IQSEC3: variants seen among roughly 807,000 people sequenced by gnomAD.
IQSEC3 encodes the protein IQ motif and Sec7 domain ArfGEF 3, also known as IQ motif and SEC7 domain-containing protein 3.
Under a neutral mutation model 105.4 loss-of-function variants are expected in IQSEC3, and 50 were observed. The observed-to-expected ratio is 0.47, with a 90% CI of 0.38 to 0.60. The LOEUF (loss-of-function observed/expected upper bound fraction) is 0.60. IQSEC3 is among the 20% of genes least tolerant of loss of function. The pLI is 0.00. For synonymous variants in IQSEC3, 708 were observed against 746.0 expected, an observed-to-expected ratio of 0.95 and a Z score of 0.83; for missense variants, 1,415 against 1,630.0, an observed-to-expected ratio of 0.87 and a Z score of 2.27.
intron 5 of IQSEC3, among the ~76,000 whole-genome samples, chr12:146,276 G>T (rs1555091014): frequency 6.6e-6 from 1 of 152,186 alleles, no homozygotes; most frequent in Non-Finnish European, 1.5e-5. Flanking sequence ...TGAGGAAGGG[G>T]AGAGCAGGCT....
At chr12:139,627 A>G in intron 4 of IQSEC3, 1 of 387,654 alleles carries the variant, frequency 2.6e-6, no homozygotes, top group Non-Finnish European at 4.6e-6. Context: ...ACAGCTTAAG[A>G]TGAAGCTAGG....
At chr12:112,097 G>C (rs1332688926) in intron 2 of IQSEC3, among the ~76,000 whole-genome samples, 2 of 152,124 alleles carry the variant, frequency 1.3e-5, no homozygotes, top group South Asian at 4.1e-4. Flanking sequence ...TTTTAGGGTT[G>C]TTTTGCTCCA....
intron 5 of IQSEC3, among the ~76,000 whole-genome samples, chr12:153,374 C>T (rs1203385534): frequency 6.6e-6 from 1 of 152,122 alleles, no homozygotes; most frequent in Non-Finnish European, 1.5e-5. Context: ...GTCGTCTGCC[C>T]CCTGCCGTTG....
At chr12:99,446 G>A (rs138367423) in intron 2 of IQSEC3, among the ~76,000 whole-genome samples, 206 of 152,270 alleles carry the variant, frequency 1.4e-3, no homozygotes, top group African/African-American at 3.6e-3. Context: ...CACCCCACAC[G>A]TAGGCTCCTT....
intron 8 of IQSEC3, among the ~76,000 whole-genome samples, chr12:162,459 A>G (rs1454568137): frequency 1.4e-5 from 2 of 147,496 alleles, no homozygotes; most frequent in African/African-American, 4.9e-5. Context: ...TGGCATCACC[A>G]TAGATTTGTC....
intron 13 of IQSEC3, chr12:171,507 T>G (rs1433068635): frequency 1.6e-6 from 1 of 611,716 alleles, no homozygotes; most frequent in Non-Finnish European, 2.9e-6. Context: ...CACTGCTCAC[T>G]GCTCCCCCAG....
At chr12:168,817 T>G (rs1565451919) in intron 11 of IQSEC3, among the ~76,000 whole-genome samples, 196 bp from the exon 12 acceptor site, 1 of 152,092 alleles carries the variant, frequency 6.6e-6, no homozygotes, top group Non-Finnish European at 1.5e-5. Flanking sequence ...CATGTACAGA[T>G]GACGAAACTG....
At chr12:170,315 G>A (rs934663329) in intron 12 of IQSEC3, among the ~76,000 whole-genome samples, 1 of 152,132 alleles carries the variant, frequency 6.6e-6, no homozygotes, top group Non-Finnish European at 1.5e-5. Context: ...ATTCCTTCCT[G>A]CCTCTCTTTT....
chr12:125,645 C>T lies in IQSEC3; in HGVS notation c.636C>T (p.Cys212=). 2.0e-6 allele frequency: 3 copies of T among 1,519,160 alleles called. No homozygotes were observed. Among genetic ancestry groups the T allele is most frequent in the Non-Finnish European group, 2.6e-6 (3 of 1,145,706 alleles). The allele number at this position is 1,519,160 out of a possible 1,614,324, so 94.1% of individuals were successfully genotyped here. A position where few individuals can be genotyped will look rare whatever the true frequency, so the allele number is the denominator to read the frequency against. ...SDLASQSDGS[C]TQAGGGMEDS... Reference sequence around the variant, plus strand: ...CTTCTGTTCACAGTGATGGCTCCTGCACCCAGGCCGGTGGGGGCATGGAGG... The same window carrying T: ...CTTCTGTTCACAGTGATGGCTCCTGTACCCAGGCCGGTGGGGGCATGGAGG... Residue 212 remains cysteine, a synonymous_variant, in exon 3 of 14, where the codon TGC becomes TGT. Coordinates refer to ENST00000538872, the MANE Select transcript of IQSEC3 (RefSeq NM_001170738.2).
At chr12:159,117 G>A (rs2137043766) in intron 7 of IQSEC3, among the ~76,000 whole-genome samples, 1 of 152,370 alleles carries the variant, frequency 6.6e-6, no homozygotes, top group East Asian at 1.9e-4. Context: ...GAGTCTGCAA[G>A]TGCAGAATGA....
In IQSEC3 at chr12:175,110, A is replaced by C; in HGVS notation, c.*77A>C. ...GGGCTGCCCCTCCACTGCTCCCCAT[A>C]CCCTGGCACGATGCGTTCCTGGTCA... On this transcript the variant is annotated 3_prime_UTR_variant, in exon 14 of 14. Coordinates refer to ENST00000538872, the MANE Select transcript of IQSEC3 (RefSeq NM_001170738.2). 9.0e-7 allele frequency: 1 copy of C among 1,115,702 alleles called. No homozygotes were observed. The highest frequency in any genetic ancestry group is 1.2e-6 in the Non-Finnish European group (1 of 809,246). The allele number at this position is 1,115,702 out of a possible 1,614,324, so 69.1% of individuals were successfully genotyped here.
At chr12:125,566 A>G in intron 2 of IQSEC3, 67 bp from the exon 3 acceptor site, 1 of 1,403,828 alleles carries the variant, frequency 7.1e-7, no homozygotes. Flanking sequence ...TCTCTCCCCG[A>G]CCCCCACATC....
Position 138,588 on chromosome 12 carries a change from C to T in IQSEC3, c.1225C>T (p.Leu409=), listed in dbSNP as rs782519506. 1.9e-6 allele frequency: 3 copies of T among 1,589,680 alleles called. No individual in the cohort carries two copies. Among genetic ancestry groups the T allele is most frequent in the East Asian group, 2.3e-5 (1 of 43,950 alleles). Residue 409 remains leucine (L), a synonymous_variant, in exon 4 of 14, where the codon CTG becomes TTG. Coordinates refer to ENST00000538872, the MANE Select transcript of IQSEC3 (RefSeq NM_001170738.2). The surrounding 1 kb of genome is among the most constrained non-coding windows in gnomAD (Gnocchi z 7.1). ...CTCCTTCACCGAGCAGGTGCAATCCCTGGCCAAGTCCATCGACGACGCGCT... is the reference window on the plus strand; with the variant it reads ...CTCCTTCACCGAGCAGGTGCAATCCTTGGCCAAGTCCATCGACGACGCGCT... ...EDSFTEQVQS[L]AKSIDDALST...
At chr12:170,164 T>C (rs1591758724) in intron 12 of IQSEC3, among the ~76,000 whole-genome samples, 4 of 152,334 alleles carry the variant, frequency 2.6e-5, no homozygotes, top group South Asian at 2.1e-4. Context: ...TGACCTGCCA[T>C]CGTGCGTCCG....
Position 114,309 on chromosome 12 carries a change from T to C in IQSEC3, c.624-11324T>C, listed in dbSNP as rs572765076. Among the ~76,000 whole-genome samples, 201 of 152,224 alleles carry C rather than the reference T, an allele frequency of 1.3e-3. 1 individual carries two copies. The highest frequency in any genetic ancestry group is 2.6e-3 in the Non-Finnish European group (177 of 68,040). On this transcript the variant is annotated intron_variant, in intron 2 of 13. Coordinates refer to ENST00000538872, the MANE Select transcript of IQSEC3 (RefSeq NM_001170738.2). ...GCTATGGCAAGCATGTTCTTCAGGT[T>C]CCAAGCATGTTGTTCAGACACACCT...
Position 138,249 on chromosome 12 carries a change from C to A in IQSEC3, c.904-18C>A. 1 of 1,593,802 alleles carries A rather than the reference C, an allele frequency of 6.3e-7. No individual in the cohort carries two copies. The highest frequency in any genetic ancestry group is 1.1e-5 in the South Asian group (1 of 88,496). ...TTCCCCTCTGAGCCCTTCCTCCTCT[C>A]TGTCCTCGTCCTTGCAGATTGAAAT... On this transcript the variant is annotated intron_variant, in intron 3 of 13. Coordinates refer to ENST00000538872, the MANE Select transcript of IQSEC3 (RefSeq NM_001170738.2). The surrounding 1 kb of genome is among the most constrained non-coding windows in gnomAD (Gnocchi z 7.1).
intron 13 of IQSEC3, among the ~76,000 whole-genome samples, chr12:172,013 C>T (rs1383148240): frequency 6.6e-6 from 1 of 152,126 alleles, no homozygotes; most frequent in African/African-American, 2.4e-5. Context: ...GGTCCTCTTG[C>T]ACCCCAGTGA....
intron 1 of IQSEC3, among the ~76,000 whole-genome samples, chr12:74,681 C>A (rs1408671797): frequency 6.6e-6 from 1 of 152,256 alleles, no homozygotes; most frequent in East Asian, 1.9e-4. Flanking sequence ...ACCATTCCCT[C>A]TAAGCCACAG....
chr12:128,550 G>A (rs917106948), intron 3 of IQSEC3, among the ~76,000 whole-genome samples: 2 of 152,088 alleles, frequency 1.3e-5, no homozygotes, highest in Middle Eastern at 3.4e-3. Context: ...CCAGCCCACC[G>A]ACCCGCCAAG....
Sources: allele counts gnomAD v4.1 joint callset (sites outside exome capture counted in the v4.1 genomes callset), GRCh38; gene constraint gnomAD v4.1.1; non-coding constraint Gnocchi (gnomAD v3.1); transcripts MANE v1.5; gene names NCBI Gene and HGNC (gene_info 2026-07-23, HGNC 2026-07-21).